PDE1A: variants seen among roughly 807,000 people sequenced by gnomAD.
PDE1A encodes the protein dual specificity calcium/calmodulin-dependent 3',5'-cyclic nucleotide phosphodiesterase 1A.
A neutral mutation model predicts 61.7 loss-of-function variants in PDE1A; 35 were observed. That is an observed-to-expected ratio of 0.57 (90% CI 0.43 to 0.75). The LOEUF is 0.75. Ranked by LOEUF, PDE1A falls within the 30% of genes least tolerant of loss-of-function variation. PDE1A has a pLI of 0.00. For synonymous variants in PDE1A, 232 were observed against 213.2 expected, an observed-to-expected ratio of 1.09 and a Z score of -0.77; for missense variants, 597 against 630.6, an observed-to-expected ratio of 0.95 and a Z score of 0.57.
intron 2 of PDE1A, among the ~76,000 whole-genome samples, chr2:182,458,485 A>G (rs1328858457): frequency 1.3e-5 from 2 of 152,098 alleles, no homozygotes; most frequent in African/African-American, 4.8e-5. Flanking sequence ...AACTGTAGGA[A>G]TTAACAGGCT....
intron 4 of PDE1A, among the ~76,000 whole-genome samples, 177 bp from the exon 5 acceptor site, chr2:182,231,308 T>C (rs987965833): frequency 2.0e-5 from 3 of 152,202 alleles, no homozygotes; most frequent in Non-Finnish European, 4.4e-5. Context: ...GTCCACAAAA[T>C]TGAGGCCATA....
At position 182,493,345 on chromosome 2, in the gene PDE1A, C is replaced by T. The variant is rs1323308715; in HGVS notation, c.101+28931G>A. 2.0e-5 allele frequency among the ~76,000 whole-genome samples: 3 copies of T among 151,342 alleles called. No individual in the cohort carries two copies. The East Asian group carries it at 5.9e-4, about 30-fold the overall frequency. ...ATGTGCACAACGTGCAGGCTTGTTACATATGTATCCATGTGCCGTGTTGGT... is the reference window on the plus strand; with the variant it reads ...ATGTGCACAACGTGCAGGCTTGTTATATATGTATCCATGTGCCGTGTTGGT... On this transcript the variant is annotated intron_variant, in intron 2 of 14. Coordinates refer to the PDE1A transcript ENST00000410103.
At chr2:182,626,203 C>G in the PDE1A span, among the ~76,000 whole-genome samples, 2 of 152,108 alleles carry the variant, frequency 1.3e-5, no homozygotes, top group African/African-American at 4.8e-5. Context: ...ACTTAAACAC[C>G]AGATAGCTAT....
At chr2:182,610,791 AAAT>A in the PDE1A span, among the ~76,000 whole-genome samples, 1 of 152,160 alleles carries the variant, frequency 6.6e-6, no homozygotes, top group Admixed American at 6.5e-5. Context: ...TAAAACTGAA[AAAT>A]AAAAGTAAAA....
At chr2:182,660,519 A>T in the PDE1A span, among the ~76,000 whole-genome samples, 8 of 152,182 alleles carry the variant, frequency 5.3e-5, no homozygotes, top group African/African-American at 1.7e-4. Context: ...CAAGGTCCCA[A>T]ATCTGTTAAC....
Position 182,155,719 on chromosome 2 carries a change from G to A in PDE1A, c.1517-8567C>T, listed in dbSNP as rs552275370. On this transcript the variant is annotated intron_variant, in intron 13 of 13. Transcript: ENST00000409365. ...AGCCTGACCAACAAGGAGAAACCCC[G>A]TCTCTACTAAAAATACAGAAAATTA... Among the ~76,000 whole-genome samples the A allele has an allele frequency of 1.1e-3, 160 of 152,188 alleles. 2 individuals are homozygous for A. In the South Asian group the frequency reaches 0.013, roughly 12 times the overall value.
intron 2 of PDE1A, among the ~76,000 whole-genome samples, chr2:182,260,596 G>A (rs1413497466): frequency 1.3e-5 from 2 of 152,196 alleles, no homozygotes; most frequent in Non-Finnish European, 2.9e-5. Flanking sequence ...CCTGTGGTAT[G>A]ATGGTAAATG....
exon 15 of PDE1A, chr2:182,141,798 T>G (rs2125250937): frequency 6.6e-6 from 1 of 152,318 alleles, no homozygotes; most frequent in Non-Finnish European, 1.5e-5. Flanking sequence ...ATGATTTAAT[T>G]TATGGCTACT....
At position 182,376,173 on chromosome 2, in the gene PDE1A, T is replaced by C. The variant is rs146196464; in HGVS notation, c.53+50405A>G. On this transcript the variant is annotated intron_variant, in intron 1 of 13. Coordinates refer to ENST00000351439, the Ensembl canonical transcript of PDE1A. The stretch of plus-strand genomic sequence containing the variant: ...TGTTACTTATGCAAATATCTGCAGC[T>C]GGTTTGGATTTCTCCTCAGAAAATG... Among the ~76,000 whole-genome samples, 512 of 152,390 alleles carry C rather than the reference T, an allele frequency of 3.4e-3. 5 individuals carry two copies. Among genetic ancestry groups the C allele is most frequent in the African/African-American group, 0.012 (492 of 41,594 alleles).
rs1031827183 is a variant in PDE1A at position 182,186,331 on chromosome 2, T to C, written c.1328+137A>G. The C allele has an allele frequency of 3.9e-6, 4 of 1,029,874 alleles. No individual in the cohort carries two copies. The East Asian group carries it at 7.6e-5, about 20-fold the overall frequency. The allele number at this position is 1,029,874 out of a possible 1,614,324, so 63.8% of individuals were successfully genotyped here. On this transcript the variant is annotated intron_variant, in intron 12 of 13. Coordinates refer to ENST00000351439, the Ensembl canonical transcript of PDE1A. ...TGTCAAAGGCAGATGCAATATAATA[T>C]AAAGCCACTAGGTGGCAATACTCCC...
intron 1 of PDE1A, among the ~76,000 whole-genome samples, chr2:182,366,076 T>C (rs1323415747): frequency 6.6e-6 from 1 of 152,082 alleles, no homozygotes. Context: ...GGTGATGACG[T>C]GAATTGTGAG....
chr2:182,343,932 C>A (rs941477365), intron 1 of PDE1A, among the ~76,000 whole-genome samples: 1 of 150,772 alleles, frequency 6.6e-6, no homozygotes, highest in Admixed American at 6.6e-5. Flanking sequence ...TGCAGTGGCA[C>A]AATCACAGCT....
chr2:182,705,534 C>T, the PDE1A span, among the ~76,000 whole-genome samples: 2 of 151,354 alleles, frequency 1.3e-5, no homozygotes, highest in East Asian at 3.9e-4. Flanking sequence ...GGGACGGAAT[C>T]TCGCTCTGTC....
chr2:182,488,951 T>G (rs1688200114), intron 2 of PDE1A, among the ~76,000 whole-genome samples: 2 of 152,192 alleles, frequency 1.3e-5, no homozygotes, highest in South Asian at 4.1e-4. Context: ...TTTTATGAAG[T>G]TTGCTTTCTA....
At position 182,441,992 on chromosome 2, in the gene PDE1A, C is replaced by T. The variant is rs147930850; in HGVS notation, c.101+80284G>A. On this transcript the variant is annotated intron_variant, in intron 2 of 14. Coordinates refer to the PDE1A transcript ENST00000410103. ...GATAAATACCAAAGGAATGATAGAG[C>T]TAGAAAATCAGTGAATAGTAAAACC... is the stretch of plus-strand genomic sequence containing the variant. Among the ~76,000 whole-genome samples, 29 of 152,002 alleles carry T rather than the reference C, an allele frequency of 1.9e-4. No individual in the cohort carries two copies. In the East Asian group the frequency reaches 5.4e-3, roughly 28 times the overall value.
At chr2:182,705,844 C>A in the PDE1A span, among the ~76,000 whole-genome samples, 1 of 152,194 alleles carries the variant, frequency 6.6e-6, no homozygotes, top group Non-Finnish European at 1.5e-5. Context: ...CAAAAAAGTT[C>A]ATGACAGTAG....
At chr2:182,355,253 C>G (rs1699111967) in intron 1 of PDE1A, among the ~76,000 whole-genome samples, 2 of 151,892 alleles carry the variant, frequency 1.3e-5, no homozygotes, top group South Asian at 4.1e-4. Flanking sequence ...ACCATTAAGA[C>G]TTAGCAACAT....
the PDE1A span, among the ~76,000 whole-genome samples, chr2:182,623,827 C>A: frequency 1.3e-5 from 2 of 152,066 alleles, no homozygotes; most frequent in Non-Finnish European, 2.9e-5. Flanking sequence ...TATACAAACC[C>A]TTTAGATAAG....
At chr2:182,313,926 T>TAC (rs1182358965) in intron 1 of PDE1A, among the ~76,000 whole-genome samples, 1 of 152,170 alleles carries the variant, frequency 6.6e-6, no homozygotes. Flanking sequence ...ACTTGAAACA[T>TAC]ACGTATTGTA....
Sources: allele counts gnomAD v4.1 joint callset (sites outside exome capture counted in the v4.1 genomes callset), GRCh38; gene constraint gnomAD v4.1.1; transcripts MANE v1.5; gene names NCBI Gene and HGNC (gene_info 2026-07-23, HGNC 2026-07-21).